The following ARSJ variants were observed in gnomAD, a reference collection of about 807,000 sequenced individuals.
ARSJ encodes arylsulfatase family member J.
In ARSJ, 26 loss-of-function variants were observed where a neutral mutation model predicts 35.9. The observed-to-expected ratio is 0.72, with a 90% CI of 0.53 to 1.00. The LOEUF (loss-of-function observed/expected upper bound fraction) is 1.00, where lower values mean the gene tolerates loss of function less well. ARSJ is among the 50% of genes least tolerant of loss of function. The pLI, the probability that ARSJ is intolerant of heterozygous loss-of-function variation, is 0.00. For synonymous variants in ARSJ, 294 were observed against 267.6 expected (o/e 1.10, Z -0.96); for missense variants, 667 against 723.6 (o/e 0.92, Z 0.90).
chr4:113,902,522 T>A lies in ARSJ; in HGVS notation c.1552A>T (p.Lys518Ter), dbSNP rs1270203287. Residue 518 changes from lysine (K) to a stop codon, truncating the protein, a stop_gained, in exon 2 of 2, where the codon AAG becomes TAG. Transcript: ENST00000315366. LOFTEE classifies it low-confidence loss of function (END_TRUNC). ...AACTGTGAGAGCCTCCGTAGGAGCT[T>A]CTTCACGATTCCTGGATACCTGTTA... The part of the protein sequence containing the change: ...LSNRYPGIVK[K>*]LLRRLSQFNK... The A allele has an allele frequency of 3.1e-6, 5 of 1,614,032 alleles. No individual in the cohort carries two copies. Among genetic ancestry groups the A allele is most frequent in the Non-Finnish European group, 4.2e-6 (5 of 1,180,030 alleles).
At chr4:113,924,161 G>T (rs1221365267) in intron 1 of ARSJ, among the ~76,000 whole-genome samples, 1 of 146,290 alleles carries the variant, frequency 6.8e-6, no homozygotes, top group Non-Finnish European at 1.5e-5. Flanking sequence ...CAATCACAAG[G>T]TCCCACAATA....
intron 1 of ARSJ, among the ~76,000 whole-genome samples, chr4:113,967,851 T>C (rs1562376459): frequency 1.3e-5 from 2 of 152,124 alleles, no homozygotes; most frequent in Non-Finnish European, 2.9e-5. Context: ...ATTTGAAAGC[T>C]CCTAAAATTC....
intron 1 of ARSJ, among the ~76,000 whole-genome samples, chr4:113,949,128 G>A (rs1031012127): frequency 6.6e-5 from 10 of 151,856 alleles, no homozygotes; most frequent in Non-Finnish European, 1.3e-4. Flanking sequence ...CTCATAAGTG[G>A]GAGTTGAACA....
At chr4:113,907,793 T>C (rs113114133) in intron 1 of ARSJ, among the ~76,000 whole-genome samples, 8,649 of 152,238 alleles carry the variant, frequency 0.057, 325 homozygotes, top group East Asian at 0.11. Context: ...TGCAGTAATA[T>C]GGATGCAGCT....
chr4:113,905,295 A>C (rs1594377743), intron 1 of ARSJ, among the ~76,000 whole-genome samples: 1 of 152,242 alleles, frequency 6.6e-6, no homozygotes, highest in East Asian at 1.9e-4. Flanking sequence ...TTACAAAAAA[A>C]ATATTGAGGT....
At chr4:113,947,862 G>T (rs972711488) in intron 1 of ARSJ, among the ~76,000 whole-genome samples, 1 of 151,674 alleles carries the variant, frequency 6.6e-6, no homozygotes. Flanking sequence ...CTTTAATTAC[G>T]GCATTTTCAA....
intron 1 of ARSJ, among the ~76,000 whole-genome samples, chr4:113,972,843 C>T (rs1727360619): frequency 1.3e-5 from 2 of 152,204 alleles, no homozygotes; most frequent in South Asian, 2.1e-4. Flanking sequence ...GGCTTTTACT[C>T]ACATCCCAAT....
chr4:113,964,121 C>T (rs772299026), intron 1 of ARSJ, among the ~76,000 whole-genome samples: 7 of 151,978 alleles, frequency 4.6e-5, no homozygotes, highest in Non-Finnish European at 1.0e-4. Flanking sequence ...ATCCAATTGA[C>T]CCATTTTTCT....
chr4:113,915,493 C>T (rs12510815), intron 1 of ARSJ, among the ~76,000 whole-genome samples: 107,447 of 151,910 alleles, frequency 0.71, 38,810 homozygotes, highest in East Asian at 0.81. Flanking sequence ...TCCTCCTCTA[C>T]TACATGTACA....
rs776906597 is a variant in ARSJ, at chr4:113,978,561, C to A, written c.274G>T (p.Gly92Cys). 6.2e-7 allele frequency: 1 copy of A among 1,614,206 alleles called. No homozygotes were observed. Among genetic ancestry groups the A allele is most frequent in the Non-Finnish European group, 8.5e-7 (1 of 1,180,028 alleles). Reference protein sequence around the residue: ...LADDQGFRDVGYHGSEIKTPT... With the variant: ...LADDQGFRDVCYHGSEIKTPT... ...GTTTTAATCTCAGATCCGTGGTAAC[C>A]CACATCTCTAAATCCCTGATCATCC... is the stretch of plus-strand genomic sequence containing the variant. Residue 92 changes from glycine (G) to cysteine (C), a missense_variant, in exon 1 of 2, where the codon GGT (glycine) becomes TGT (cysteine). Physicochemically the swap from Gly to Cys is radical, Grantham distance 159. Coordinates refer to ENST00000315366, the MANE Select transcript of ARSJ (RefSeq NM_024590.4).
chr4:113,920,396 T>C (rs1302410091), intron 1 of ARSJ, among the ~76,000 whole-genome samples: 1 of 152,150 alleles, frequency 6.6e-6, no homozygotes, highest in African/African-American at 2.4e-5. Context: ...GACAATAATA[T>C]GTTTGCAGAA....
intron 1 of ARSJ, among the ~76,000 whole-genome samples, chr4:113,961,832 T>C (rs1009755331): frequency 6.6e-6 from 1 of 151,622 alleles, no homozygotes; most frequent in African/African-American, 2.4e-5. Flanking sequence ...TCTTTTGCCT[T>C]GACATTAATC....
In ARSJ at chr4:113,974,042, C is replaced by T. The variant is rs1157603402; in HGVS notation, c.398+4395G>A. On this transcript the variant is annotated intron_variant, in intron 1 of 1. Coordinates refer to ENST00000315366, the MANE Select transcript of ARSJ (RefSeq NM_024590.4). ...AGGTGATGCTGCAGTGCAATGGAGA[C>T]GGTATGGTCTTTTTAATAAACAGTG... Among the ~76,000 whole-genome samples the T allele has an allele frequency of 4.6e-5, 7 of 152,074 alleles. 1 individual carries two copies. The highest frequency in any genetic ancestry group is 4.1e-4 in the South Asian group (2 of 4,824).
chr4:113,935,877 T>C (rs17046629), intron 1 of ARSJ, among the ~76,000 whole-genome samples: 2,158 of 152,106 alleles, frequency 0.014, 42 homozygotes, highest in African/African-American at 0.048. Flanking sequence ...ATTAGGTAGC[T>C]GCTTCCCACA....
intron 1 of ARSJ, among the ~76,000 whole-genome samples, chr4:113,955,545 C>T (rs921157813): frequency 2.0e-5 from 3 of 151,968 alleles, no homozygotes; most frequent in South Asian, 4.1e-4. Flanking sequence ...AGGATGCAGT[C>T]GGACTGGTTT....
At chr4:113,924,257 C>G (rs905941038) in intron 1 of ARSJ, among the ~76,000 whole-genome samples, 1 of 151,476 alleles carries the variant, frequency 6.6e-6, no homozygotes, top group African/African-American at 2.4e-5. Flanking sequence ...GGGCAGGAAG[C>G]AGCCAGCATG....
chr4:113,921,398 A>T (rs1397389118), intron 1 of ARSJ, among the ~76,000 whole-genome samples: 1 of 152,142 alleles, frequency 6.6e-6, no homozygotes, highest in African/African-American at 2.4e-5. Flanking sequence ...TTTTGCTTAT[A>T]TAAGCTCTTT....
intron 1 of ARSJ, among the ~76,000 whole-genome samples, chr4:113,911,557 C>T (rs1470455739): frequency 6.6e-6 from 1 of 151,858 alleles, no homozygotes; most frequent in Admixed American, 6.6e-5. Context: ...TAAAGAGAGA[C>T]ATTTGATAGG....
chr4:113,903,424 A>G lies in ARSJ; in HGVS notation c.650T>C (p.Met217Thr). ...YTHYKCDSPG[M>T]CGYDLYENDN... ...GTTTTCATACAAGTCATAGCCACAC[A>G]TCCCAGGACTGTCACATTTGTAGTG... Residue 217 changes from methionine (M) to threonine (T), a missense_variant, in exon 2 of 2, where the codon ATG becomes ACG. By Grantham distance (81) the Met-to-Thr change is moderately conservative (BLOSUM62 -1). Transcript: ENST00000315366. The G allele has an allele frequency of 6.2e-7, 1 of 1,614,214 alleles. No homozygotes were observed. Among genetic ancestry groups the G allele is most frequent in the Middle Eastern group, 1.6e-4 (1 of 6,062 alleles).
Sources: gnomAD v4.1 joint callset for allele counts (sites outside exome capture counted in the v4.1 genomes callset) on GRCh38, gnomAD v4.1.1 for gene constraint, MANE v1.5 for transcripts, NCBI Gene and HGNC (gene_info 2026-07-23, HGNC 2026-07-21) for gene names.